Variants in SAMD12 observed in about 807,000 individuals in gnomAD.
SAMD12 encodes the protein sterile alpha motif domain containing 12, also known as sterile alpha motif domain-containing protein 12.
SAMD12 carries 9 observed loss-of-function variants against 15.0 expected under a neutral mutation model. The ratio of observed to expected loss-of-function variants is 0.60; its 90% CI spans 0.36 to 1.05. The LOEUF (loss-of-function observed/expected upper bound fraction) is 1.05, where lower values mean the gene tolerates loss of function less well. Ranked by LOEUF, SAMD12 falls within the 50% of genes least tolerant of loss-of-function variation. The pLI is 0.01. For missense variants in SAMD12, 230 were observed against 234.2 expected (o/e 0.98, Z 0.12); for synonymous variants, 86 against 90.1 (o/e 0.96, Z 0.25).
the SAMD12 span, among the ~76,000 whole-genome samples, chr8:118,172,125 G>C: frequency 4.6e-5 from 7 of 152,188 alleles, no homozygotes; most frequent in Admixed American, 3.9e-4. Context: ...GGAGTGGGGA[G>C]GGATAGCATT....
intron 4 of SAMD12, among the ~76,000 whole-genome samples, chr8:118,238,344 A>G (rs1476129675): frequency 6.6e-6 from 1 of 152,188 alleles, no homozygotes; most frequent in Admixed American, 6.6e-5. Context: ...GATAAAATCA[A>G]TTAAAATTTA....
the SAMD12 span, among the ~76,000 whole-genome samples, chr8:118,136,578 A>T: frequency 6.6e-6 from 1 of 152,212 alleles, no homozygotes; most frequent in Non-Finnish European, 1.5e-5. Flanking sequence ...TGGGAAAGAA[A>T]TCAAGTATGG....
At chr8:118,618,353 G>T (rs559598741) in intron 1 of SAMD12, among the ~76,000 whole-genome samples, 1 of 152,152 alleles carries the variant, frequency 6.6e-6, no homozygotes, top group Non-Finnish European at 1.5e-5. Context: ...TTAAGAAAAA[G>T]TTACACATAG....
rs186438248 is a variant in SAMD12, at chr8:118,607,343, C to T, written c.13+14461G>A. ...CTCCGCCTCCCGGGTTTAAGTGATT[C>T]TCCTGCCCCAGCCTCCCGAGTAGCT... On this transcript the variant is annotated intron_variant, in intron 1 of 3. Transcript: ENST00000314727. Among the ~76,000 whole-genome samples, 961 of 152,174 alleles carry T rather than the reference C, an allele frequency of 6.3e-3. 4 individuals carry two copies. Among genetic ancestry groups the T allele is most frequent in the African/African-American group, 0.022 (911 of 41,516 alleles).
intron 2 of SAMD12, among the ~76,000 whole-genome samples, chr8:118,513,550 A>G (rs1825145746): frequency 6.6e-6 from 1 of 152,250 alleles, no homozygotes; most frequent in Admixed American, 6.5e-5. Context: ...CAAATCAAAC[A>G]CAGAGCAGTC....
chr8:118,580,590 T>C, intron 2 of SAMD12, 125 bp downstream of exon 2: 1 of 673,490 alleles, frequency 1.5e-6, no homozygotes, highest in Non-Finnish European at 2.6e-6. Context: ...CAAGATACAG[T>C]GCTCATTTGA....
chr8:118,199,277 A>C (rs970243015), intron 4 of SAMD12, among the ~76,000 whole-genome samples: 5 of 152,200 alleles, frequency 3.3e-5, no homozygotes, highest in Non-Finnish European at 7.4e-5. Context: ...GTTTTCACTC[A>C]CTAATACTAC....
At chr8:118,470,437 G>T (rs1045230214) in intron 2 of SAMD12, among the ~76,000 whole-genome samples, 1 of 152,130 alleles carries the variant, frequency 6.6e-6, no homozygotes, top group Non-Finnish European at 1.5e-5. Context: ...TTTTATAGTG[G>T]AAAGAGCAGA....
intron 4 of SAMD12, among the ~76,000 whole-genome samples, chr8:118,309,373 G>GAT (rs1179773471): frequency 1.5e-5 from 2 of 130,256 alleles, no homozygotes; most frequent in South Asian, 2.2e-4. Flanking sequence ...ATATATTTGA[G>GAT]ATATATATGT....
At chr8:118,229,540 A>T (rs1812262099) in intron 4 of SAMD12, among the ~76,000 whole-genome samples, 2 of 152,106 alleles carry the variant, frequency 1.3e-5, no homozygotes, top group Non-Finnish European at 1.5e-5. Context: ...TTCACTATGG[A>T]CATTGAGACC....
chr8:118,578,888 G>A (rs1208922047), intron 2 of SAMD12, among the ~76,000 whole-genome samples: 1 of 152,156 alleles, frequency 6.6e-6, no homozygotes, highest in African/African-American at 2.4e-5. Flanking sequence ...TTGGGGATGG[G>A]TGTTCACTGT....
intron 2 of SAMD12, among the ~76,000 whole-genome samples, chr8:118,453,735 G>A (rs1037433656): frequency 3.3e-5 from 5 of 152,042 alleles, no homozygotes; most frequent in Non-Finnish European, 5.9e-5. Context: ...TGTCCAGGCT[G>A]GTCTCAAACT....
At chr8:118,548,328 A>G (rs1388605361) in intron 2 of SAMD12, among the ~76,000 whole-genome samples, 1 of 151,946 alleles carries the variant, frequency 6.6e-6, no homozygotes, top group Non-Finnish European at 1.5e-5. Context: ...TTCCCTTTCC[A>G]AATTTCCTAA....
chr8:118,481,078 G>C (rs1450248849), intron 2 of SAMD12, among the ~76,000 whole-genome samples: 1 of 152,130 alleles, frequency 6.6e-6, no homozygotes, highest in Non-Finnish European at 1.5e-5. Flanking sequence ...GAATAGCTGG[G>C]ATTACAGGTG....
intron 3 of SAMD12, among the ~76,000 whole-genome samples, chr8:118,409,603 A>G (rs775561250): frequency 6.6e-6 from 1 of 152,136 alleles, no homozygotes; most frequent in South Asian, 2.1e-4. Flanking sequence ...GTCAGGATGT[A>G]TAAAGTATTC....
chr8:118,252,769 G>A (rs116571603), intron 4 of SAMD12, among the ~76,000 whole-genome samples: 18 of 152,082 alleles, frequency 1.2e-4, no homozygotes, highest in Non-Finnish European at 2.2e-4. Context: ...TGTAGAAGGC[G>A]CTGGGAGCTC....
chr8:118,459,053 G>T (rs1039145669), intron 2 of SAMD12, among the ~76,000 whole-genome samples: 2 of 129,462 alleles, frequency 1.5e-5, no homozygotes, highest in Non-Finnish European at 3.2e-5. Context: ...CTGCTACCCA[G>T]GAAAGGTATC....
At chr8:118,584,812 T>C (rs930194233) in intron 1 of SAMD12, among the ~76,000 whole-genome samples, 114 of 152,188 alleles carry the variant, frequency 7.5e-4, no homozygotes, top group African/African-American at 2.4e-3. Flanking sequence ...ACCAGGTGCA[T>C]TGCTGGTGGG....
intron 4 of SAMD12, among the ~76,000 whole-genome samples, chr8:118,353,363 A>C (rs898285632): frequency 2.0e-5 from 3 of 151,724 alleles, no homozygotes; most frequent in Admixed American, 1.3e-4. Flanking sequence ...TTAATTCCCA[A>C]AGTGATGGTA....
Sources: allele counts gnomAD v4.1 joint callset (sites outside exome capture counted in the v4.1 genomes callset), GRCh38; gene constraint gnomAD v4.1.1; transcripts MANE v1.5; gene names NCBI Gene and HGNC (gene_info 2026-07-23, HGNC 2026-07-21).